Variants in SUGCT observed in about 807,000 individuals in gnomAD.
SUGCT encodes the protein succinyl-CoA:glutarate-CoA transferase, also known as succinyl-CoA:glutarate CoA-transferase.
A neutral mutation model predicts 55.0 loss-of-function variants in SUGCT; 41 were observed. The ratio of observed to expected loss-of-function variants is 0.74; its 90% CI spans 0.58 to 0.97. The LOEUF (loss-of-function observed/expected upper bound fraction) is 0.97, where lower values mean the gene tolerates loss of function less well. Among genes scored for constraint, SUGCT ranks in the 50% least tolerant of loss-of-function variants. SUGCT has a pLI of 0.00. For synonymous variants in SUGCT, 187 were observed against 200.4 expected, an observed-to-expected ratio of 0.93 and a Z score of 0.56; for missense variants, 568 against 547.8, an observed-to-expected ratio of 1.04 and a Z score of -0.37.
At chr7:40,572,802 G>A (rs1412872863) in intron 12 of SUGCT, among the ~76,000 whole-genome samples, 1 of 152,112 alleles carries the variant, frequency 6.6e-6, no homozygotes, top group East Asian at 1.9e-4. Context: ...GGGTGTGTCC[G>A]ATAAAAACTT....
the SUGCT span, among the ~76,000 whole-genome samples, chr7:40,950,203 A>G: frequency 6.6e-6 from 1 of 152,064 alleles, no homozygotes; most frequent in Non-Finnish European, 1.5e-5. Flanking sequence ...TAGATATTTT[A>G]TTCTCTTTGA....
the SUGCT span, among the ~76,000 whole-genome samples, chr7:40,984,299 A>T: frequency 2.0e-5 from 3 of 152,104 alleles, no homozygotes; most frequent in African/African-American, 7.2e-5. Context: ...GAAGACTCAT[A>T]CTTTTCCAGG....
chr7:40,860,611 G>A lies in SUGCT; in HGVS notation c.*132G>A, dbSNP rs1432673469. Reference sequence around the variant, plus strand: ...TAGAGTAACTCCAGATTTCTTACATGGCATCTCCAGAATGGCTCTGGTATT... The same window carrying A: ...TAGAGTAACTCCAGATTTCTTACATAGCATCTCCAGAATGGCTCTGGTATT... On this transcript the variant is annotated 3_prime_UTR_variant, in exon 14 of 14. Coordinates refer to ENST00000335693, the MANE Select transcript of SUGCT (RefSeq NM_001193313.2). 2 of 908,836 alleles carry A rather than the reference G, an allele frequency of 2.2e-6. No individual in the cohort carries two copies. Among genetic ancestry groups the A allele is most frequent in the Non-Finnish European group, 3.1e-6 (2 of 641,452 alleles). The allele number at this position is 908,836 out of a possible 1,614,324, so 56.3% of individuals were successfully genotyped here.
intron 5 of SUGCT, among the ~76,000 whole-genome samples, chr7:40,194,519 G>A (rs548516075): frequency 1.6e-4 from 25 of 152,302 alleles, no homozygotes; most frequent in African/African-American, 5.5e-4. Context: ...ACCTGCCTTG[G>A]CCTCCCAAAG....
chr7:40,491,368 C>G (rs771282529), intron 11 of SUGCT, among the ~76,000 whole-genome samples: 1 of 152,086 alleles, frequency 6.6e-6, no homozygotes, highest in Non-Finnish European at 1.5e-5. Flanking sequence ...GCAATTGTAT[C>G]TAAGTTGTAA....
intron 9 of SUGCT, among the ~76,000 whole-genome samples, chr7:40,377,362 C>CCT (rs1422248641): frequency 1.3e-5 from 2 of 150,530 alleles, no homozygotes; most frequent in African/African-American, 2.4e-5. Context: ...TGTGCCTCAG[C>CCT]CTCCTGGGTA....
the SUGCT span, among the ~76,000 whole-genome samples, chr7:40,890,938 C>T: frequency 6.6e-6 from 1 of 151,982 alleles, no homozygotes; most frequent in African/African-American, 2.4e-5. Flanking sequence ...CAATACAGAA[C>T]ATAATTAGAA....
intron 12 of SUGCT, among the ~76,000 whole-genome samples, chr7:40,652,136 A>G (rs1420240129): frequency 1.3e-5 from 2 of 152,134 alleles, no homozygotes; most frequent in East Asian, 3.8e-4. Context: ...CTTTTTGGGC[A>G]AATCATTTTC....
chr7:40,362,352 G>C (rs1029122279), intron 9 of SUGCT, among the ~76,000 whole-genome samples: 1 of 152,060 alleles, frequency 6.6e-6, no homozygotes, highest in Non-Finnish European at 1.5e-5. Context: ...CCAGGAGGCA[G>C]AAGTTGCAGT....
the SUGCT span, among the ~76,000 whole-genome samples, chr7:41,021,175 G>T: frequency 6.6e-6 from 1 of 152,124 alleles, no homozygotes; most frequent in Admixed American, 6.5e-5. Flanking sequence ...TGAAACTCTG[G>T]CCTGCCACAG....
chr7:40,720,252 G>A (rs1014427408), intron 12 of SUGCT, among the ~76,000 whole-genome samples: 4 of 152,176 alleles, frequency 2.6e-5, no homozygotes, highest in African/African-American at 9.7e-5. Flanking sequence ...CAAGGAATTT[G>A]TGTTAGATCT....
intron 8 of SUGCT, among the ~76,000 whole-genome samples, chr7:40,312,100 C>T (rs190665251): frequency 2.7e-5 from 4 of 148,456 alleles, no homozygotes; most frequent in Non-Finnish European, 5.9e-5. Context: ...AGTGCAATGG[C>T]GCGATCTCGG....
intron 11 of SUGCT, among the ~76,000 whole-genome samples, chr7:40,464,994 G>T (rs868130887): frequency 1.3e-5 from 2 of 152,214 alleles, no homozygotes; most frequent in Non-Finnish European, 2.9e-5. Flanking sequence ...TTGGAAAAAT[G>T]TTACATATGT....
At chr7:40,354,364 A>C (rs945990500) in intron 9 of SUGCT, among the ~76,000 whole-genome samples, 7 of 152,190 alleles carry the variant, frequency 4.6e-5, no homozygotes, top group African/African-American at 7.2e-5. Context: ...TCACCTCGCC[A>C]TACAGCCAAA....
intron 9 of SUGCT, among the ~76,000 whole-genome samples, chr7:40,442,410 C>T (rs1214873760): frequency 4.6e-5 from 7 of 152,072 alleles, no homozygotes; most frequent in Non-Finnish European, 7.4e-5. Context: ...AATGTAAAAA[C>T]ACATACAAAG....
intron 7 of SUGCT, among the ~76,000 whole-genome samples, chr7:40,250,740 T>C (rs1201492739): frequency 6.6e-6 from 1 of 151,968 alleles, no homozygotes; most frequent in Non-Finnish European, 1.5e-5. Flanking sequence ...CTGTTTATTC[T>C]TTACAAAAGT....
intron 13 of SUGCT, among the ~76,000 whole-genome samples, chr7:40,772,149 C>A (rs1355990832): frequency 6.6e-6 from 1 of 152,138 alleles, no homozygotes; most frequent in Non-Finnish European, 1.5e-5. Flanking sequence ...TCCCTTCCTC[C>A]TCCCTTCTTC....
rs1789073858 is a variant in SUGCT, at chr7:40,449,502, G to C, written c.888+144G>C. The C allele has an allele frequency of 6.5e-6, 4 of 616,606 alleles. No individual in the cohort carries two copies. In the East Asian group the frequency reaches 1.1e-4, roughly 17 times the overall value. 38.2% of individuals were successfully genotyped at this position (616,606 alleles called of 1,614,324 possible). On this transcript the variant is annotated intron_variant, in intron 10 of 13. Coordinates refer to ENST00000335693, the MANE Select transcript of SUGCT (RefSeq NM_001193313.2). ...TCATGCGCATAAAGGATAAGGCAGA[G>C]TCCAAATTAGCATTCTGTGTTTTTT...
At chr7:40,321,232 CGCCT>C (rs1795725786) in intron 9 of SUGCT, among the ~76,000 whole-genome samples, 1 of 150,916 alleles carries the variant, frequency 6.6e-6, no homozygotes, top group Non-Finnish European at 1.5e-5. Context: ...AACGCCATCA[CGCCT>C]GGCTAATTTT....
Sources: gnomAD v4.1 joint callset for allele counts (sites outside exome capture counted in the v4.1 genomes callset) on GRCh38, gnomAD v4.1.1 for gene constraint, MANE v1.5 for transcripts, NCBI Gene and HGNC (gene_info 2026-07-23, HGNC 2026-07-21) for gene names.